The following LMBRD2 variants were observed in gnomAD, a reference collection of about 807,000 sequenced individuals.
LMBRD2 encodes the protein LMBR1 domain containing 2.
Under a neutral mutation model 94.4 loss-of-function variants are expected in LMBRD2, and 55 were observed. That is an observed-to-expected ratio of 0.58 (90% CI 0.47 to 0.73). The LOEUF (loss-of-function observed/expected upper bound fraction) is 0.73. Ranked by LOEUF, LMBRD2 falls within the 30% of genes least tolerant of loss-of-function variation. The pLI, the probability that LMBRD2 is intolerant of heterozygous loss-of-function variation, is 0.00. For missense variants in LMBRD2, 640 were observed against 831.9 expected (o/e 0.77, Z 2.84); for synonymous variants, 246 against 272.4 (o/e 0.90, Z 0.95).
At position 36,111,230 on chromosome 5, in the gene LMBRD2, C is replaced by G; in HGVS notation, c.1669G>C (p.Gly557Arg). 6.2e-7 allele frequency: 1 copy of G among 1,611,578 alleles called. No individual in the cohort carries two copies. The highest frequency in any genetic ancestry group is 8.5e-7 in the Non-Finnish European group (1 of 1,178,500). Reference sequence around the variant, plus strand: ...TCATCTCCCATAAACTGCTGGAAACCGAGCAGATTCAAACAACGGGTTCCC... The same window carrying G: ...TCATCTCCCATAAACTGCTGGAAACGGAGCAGATTCAAACAACGGGTTCCC... ...SLGTRCLNLL[G>R]FQQFMGDDDM... The change falls in exon 14 of 18, where the codon GGT becomes CGT. Residue 557 changes from glycine (G) to arginine (R), a missense_variant. Transcript: ENST00000296603.
intron 1 of LMBRD2, among the ~76,000 whole-genome samples, chr5:36,144,543 G>T (rs1020569754): frequency 6.6e-6 from 1 of 152,112 alleles, no homozygotes; most frequent in African/African-American, 2.4e-5. Flanking sequence ...AATTAGCCAG[G>T]TGTGGTAGCG....
At chr5:36,127,058 T>G (rs1218395617) in intron 6 of LMBRD2, among the ~76,000 whole-genome samples, 1 of 152,244 alleles carries the variant, frequency 6.6e-6, no homozygotes, top group Non-Finnish European at 1.5e-5. Context: ...TAGAGCATTT[T>G]CATCATTCAT....
intron 13 of LMBRD2, among the ~76,000 whole-genome samples, chr5:36,111,495 G>C (rs1031978940): frequency 1.3e-5 from 2 of 151,954 alleles, no homozygotes; most frequent in Admixed American, 1.3e-4. Flanking sequence ...GTTTCTTATA[G>C]ATGTCAGTTA....
chr5:36,136,327 A>C lies in LMBRD2; in HGVS notation c.729T>G (p.Asn243Lys). Residue 243 changes from asparagine (N) to lysine (K), a missense_variant, in exon 6 of 18, where the codon AAT becomes AAG. Around this residue, in one of 2 missense-constraint regions of LMBRD2, gnomAD observed 457 missense variants for 642.8 expected, o/e 0.71. Transcript: ENST00000296603. ...TGCTTACCTCCATGGCATCTTCCAA[A>C]TTCTCTTCTGCATCTGCTTTCTCTG... ...LMTEKADAEE[N>K]LEDAMEEVRK... 1 of 1,614,056 alleles carries C rather than the reference A, an allele frequency of 6.2e-7. No homozygotes were observed. The highest frequency in any genetic ancestry group is 8.5e-7 in the Non-Finnish European group (1 of 1,179,908).
In LMBRD2 at chr5:36,151,241, T is replaced by C. The variant is rs28362652; in HGVS notation, c.-58+315A>G. ...ATGGCTTTGCTGGAGGCCCCCTGCGTGCACGGGTAAAGCTCGTTGCAAAAT... is the reference window on the plus strand; with the variant it reads ...ATGGCTTTGCTGGAGGCCCCCTGCGCGCACGGGTAAAGCTCGTTGCAAAAT... On this transcript the variant is annotated intron_variant, in intron 1 of 17. Transcript: ENST00000296603. The surrounding 1 kb of genome is among the most constrained non-coding windows in gnomAD (Gnocchi z 4.7). 8.2e-3 allele frequency among the ~76,000 whole-genome samples: 1,256 copies of C among 152,342 alleles called. 56 individuals are homozygous for C. The East Asian group carries it at 0.12, about 14-fold the overall frequency.
intron 3 of LMBRD2, among the ~76,000 whole-genome samples, 192 bp downstream of exon 3, chr5:36,142,310 T>A (rs566703264): frequency 6.6e-6 from 1 of 152,162 alleles, no homozygotes; most frequent in African/African-American, 2.4e-5. Flanking sequence ...TGTGGACCAA[T>A]AAATATTAAA....
chr5:36,142,371 T>A, intron 3 of LMBRD2, 131 bp downstream of exon 3: 1 of 527,318 alleles, frequency 1.9e-6, no homozygotes. Context: ...TAGGAAAGAA[T>A]AGAGGTGGGG....
At chr5:36,116,681 T>A in intron 10 of LMBRD2, 88 bp from the exon 11 acceptor site, 2 of 1,385,584 alleles carry the variant, frequency 1.4e-6, no homozygotes, top group African/African-American at 2.9e-5. Context: ...CATTTCTTTT[T>A]CTTTTGTTTT....
intron 6 of LMBRD2, among the ~76,000 whole-genome samples, chr5:36,134,478 T>G (rs1478706737): frequency 1.3e-5 from 2 of 152,128 alleles, no homozygotes; most frequent in Non-Finnish European, 1.5e-5. Context: ...GTTGCAGATT[T>G]AATTAGCTAA....
At chr5:36,118,511 CAAGGAGGCATCATGT>C (rs1743811676) in intron 9 of LMBRD2, among the ~76,000 whole-genome samples, 1 of 151,744 alleles carries the variant, frequency 6.6e-6, no homozygotes, top group East Asian at 1.9e-4. Flanking sequence ...CATTTAGGAA[CAAGGAGGCATCATGT>C]CTGGATACAA....
At position 36,105,071 on chromosome 5, in the gene LMBRD2, C is replaced by T. The variant is rs1743431647; in HGVS notation, c.2024G>A (p.Gly675Glu). The change falls in exon 17 of 18, where the codon GGA (glycine) becomes GAA (glutamate). Residue 675 changes from glycine (G) to glutamate (E), a missense_variant. Gly to Glu is a moderately conservative substitution (Grantham distance 98, BLOSUM62 -2). Transcript: ENST00000296603. ...FTDDPLESES[G>E]RYQPGGRYLS... The stretch of plus-strand genomic sequence containing the variant: ...AAATGTCACAGCCAGAACTTACCTT[C>T]CTGATTCAGATTCAAGAGGATCATC... 6.2e-7 allele frequency: 1 copy of T among 1,611,978 alleles called. No individual in the cohort carries two copies. The highest frequency in any genetic ancestry group is 1.1e-5 in the South Asian group (1 of 90,778).
At chr5:36,140,159 C>G (rs191075255) in intron 4 of LMBRD2, among the ~76,000 whole-genome samples, 1 of 152,218 alleles carries the variant, frequency 6.6e-6, no homozygotes, top group Non-Finnish European at 1.5e-5. Context: ...CAGGTGCCCA[C>G]AGCAGAAGCT....
rs1370573544 is a variant in LMBRD2 at position 36,103,191 on chromosome 5, T to C, written c.*855A>G. On this transcript the variant is annotated 3_prime_UTR_variant, in exon 18 of 18. Coordinates refer to ENST00000296603, the MANE Select transcript of LMBRD2 (RefSeq NM_001007527.2). ...AGGTACCTTTAAATACTGAAGGATT[T>C]TGTTGGACTCTTTGACTACTTAAAA... 1.3e-5 allele frequency: 2 copies of C among 152,196 alleles called. No homozygotes were observed. The highest frequency in any genetic ancestry group is 3.0e-5 in the Non-Finnish European group (2 of 67,736). The allele number at this position is 152,196 out of a possible 1,614,324, so 9.4% of individuals were successfully genotyped here. A position where few individuals can be genotyped will look rare whatever the true frequency, so the allele number is the denominator to read the frequency against.
At position 36,142,732 on chromosome 5, in the gene LMBRD2, T is replaced by TC. The variant is rs1579528635; in HGVS notation, c.175-134dup. On this transcript the variant is annotated intron_variant, in intron 2 of 17. Coordinates refer to ENST00000296603, the MANE Select transcript of LMBRD2 (RefSeq NM_001007527.2). ...TGCTTTATTCTTTTTTTTTTTTTTT[T>TC]CTTTTTGTGTGAGACAGAGTCTCAC... The TC allele has an allele frequency of 1.9e-5, 10 of 525,704 alleles. No individual in the cohort carries two copies. The East Asian group carries it at 3.0e-4, about 16-fold the overall frequency. 32.6% of individuals were successfully genotyped at this position (525,704 alleles called of 1,614,324 possible). A position where few individuals can be genotyped will look rare whatever the true frequency, so the allele number is the denominator to read the frequency against.
chr5:36,105,333 T>C (rs1454298386), intron 16 of LMBRD2, 136 bp from the exon 17 acceptor site: 5 of 758,324 alleles, frequency 6.6e-6, no homozygotes, highest in East Asian at 5.1e-5. Context: ...GATAACTACA[T>C]GGTTCCTTAA....
chr5:36,108,485 A>G, intron 16 of LMBRD2, 49 bp downstream of exon 16: 1 of 938,802 alleles, frequency 1.1e-6, no homozygotes, highest in Non-Finnish European at 1.7e-6. Flanking sequence ...TCTATGCAAG[A>G]AAGCATAAGA....
chr5:36,126,550 G>GA (rs1744012032), intron 6 of LMBRD2, among the ~76,000 whole-genome samples: 1 of 152,086 alleles, frequency 6.6e-6, no homozygotes, highest in Non-Finnish European at 1.5e-5. Context: ...GTTTTCAGTG[G>GA]AAAAAAGTAG....
intron 10 of LMBRD2, 89 bp downstream of exon 10, chr5:36,117,646 A>G: frequency 1.0e-6 from 1 of 971,716 alleles, no homozygotes. Flanking sequence ...CACTGCTTTC[A>G]TTTTTACTAG....
In LMBRD2 at chr5:36,108,587, T is replaced by G. The variant is rs1224223089; in HGVS notation, c.1844A>C (p.Asn615Thr). Reference sequence around the variant, plus strand: ...TGACTCTTTGGGGTCAGTATGAATATTTCTGTTCCTAGTGGAATCTTCTCT... The same window carrying G: ...TGACTCTTTGGGGTCAGTATGAATAGTTCTGTTCCTAGTGGAATCTTCTCT... ...HNREDSTRNR[N>T]IHTDPKESNF... The change falls in exon 16 of 18, where the codon AAT becomes ACT. Residue 615 changes from asparagine to threonine, a missense_variant. Physicochemically the swap from Asn to Thr is moderately conservative, Grantham distance 65. Around this residue, in one of 2 missense-constraint regions of LMBRD2, gnomAD observed 183 missense variants for 189.1 expected, o/e 0.97. Coordinates refer to ENST00000296603, the MANE Select transcript of LMBRD2 (RefSeq NM_001007527.2). The G allele has an allele frequency of 6.3e-6, 10 of 1,596,752 alleles. No homozygotes were observed. Among genetic ancestry groups the G allele is most frequent in the Non-Finnish European group, 8.6e-6 (10 of 1,168,314 alleles).
Sources: gnomAD v4.1 joint callset for allele counts (sites outside exome capture counted in the v4.1 genomes callset) on GRCh38, gnomAD v4.1.1 for gene constraint, gnomAD v4.1.1 regional missense constraint, Gnocchi (gnomAD v3.1) non-coding constraint, MANE v1.5 for transcripts, NCBI Gene and HGNC (gene_info 2026-07-23, HGNC 2026-07-21) for gene names.